HSD17B4: variants seen among roughly 807,000 people sequenced by gnomAD.
HSD17B4 encodes peroxisomal multifunctional enzyme type 2.
HSD17B4 carries 70 observed loss-of-function variants against 101.0 expected under a neutral mutation model. The ratio of observed to expected loss-of-function variants is 0.69; its 90% CI spans 0.57 to 0.85. HSD17B4 has a LOEUF of 0.85. Ranked by LOEUF, HSD17B4 falls within the 40% of genes least tolerant of loss-of-function variation. The pLI is 0.00. For synonymous variants in HSD17B4, 347 were observed against 297.1 expected (o/e 1.17, Z -1.73); for missense variants, 984 against 892.4 (o/e 1.10, Z -1.31).
intron 22 of HSD17B4, among the ~76,000 whole-genome samples, chr5:119,533,149 A>T (rs1433767233): frequency 6.6e-6 from 1 of 152,154 alleles, no homozygotes; most frequent in Non-Finnish European, 1.5e-5. Flanking sequence ...TTCTTGTAGA[A>T]CACAAGTGAT....
intron 8 of HSD17B4, among the ~76,000 whole-genome samples, chr5:119,485,695 A>C (rs1003844902): frequency 6.6e-6 from 1 of 152,118 alleles, no homozygotes; most frequent in Non-Finnish European, 1.5e-5. Flanking sequence ...CATTTTTGCT[A>C]TTTCATTTCC....
At chr5:119,529,156 T>G (rs1753845655) in intron 20 of HSD17B4, among the ~76,000 whole-genome samples, 1 of 152,180 alleles carries the variant, frequency 6.6e-6, no homozygotes, top group African/African-American at 2.4e-5. Context: ...TCTTGATTGT[T>G]AAAAATCAAA....
At chr5:119,454,323 A>G (rs946242975) in intron 1 of HSD17B4, among the ~76,000 whole-genome samples, 1 of 144,186 alleles carries the variant, frequency 6.9e-6, no homozygotes, top group African/African-American at 2.6e-5. Context: ...TTTTTTTTTC[A>G]GAGCTAAAGG....
At chr5:119,493,635 G>T in intron 10 of HSD17B4, 183 bp from the exon 11 acceptor site, 1 of 566,164 alleles carries the variant, frequency 1.8e-6, no homozygotes, top group Non-Finnish European at 3.1e-6. Context: ...TCTTTAAATT[G>T]ACCTTATCCT....
At chr5:119,490,842 A>G (rs1224120515) in intron 9 of HSD17B4, among the ~76,000 whole-genome samples, 1 of 152,206 alleles carries the variant, frequency 6.6e-6, no homozygotes, top group Non-Finnish European at 1.5e-5. Flanking sequence ...TCCTGGGATT[A>G]TAGGCGTGAG....
At chr5:119,452,868 C>G in intron 1 of HSD17B4, 1 of 1,535,112 alleles carries the variant, frequency 6.5e-7, no homozygotes, top group South Asian at 1.2e-5. Context: ...TTCCCAAGGT[C>G]CTGCCTGAGA....
At chr5:119,476,548 G>A (rs1413209322) in intron 6 of HSD17B4, 2 of 984,814 alleles carry the variant, frequency 2.0e-6, no homozygotes, top group Non-Finnish European at 2.4e-6. Context: ...GGGGAATAGT[G>A]CCTGACTGTC....
At chr5:119,463,772 G>A (rs1272109212) in intron 2 of HSD17B4, among the ~76,000 whole-genome samples, 2 of 141,970 alleles carry the variant, frequency 1.4e-5, no homozygotes, top group African/African-American at 5.2e-5. Flanking sequence ...GGGTTCAAGC[G>A]ATTCTCCTGC....
rs72788193 is a variant in HSD17B4, at chr5:119,513,277, T to G, written c.1438-1704T>G. ...ACTCTTAAAACATCCAAGCTTTTAG[T>G]GAAGATATTATTTTAGAAAGGGTAA... On this transcript the variant is annotated intron_variant, in intron 16 of 23. Transcript: ENST00000510025. Among the ~76,000 whole-genome samples the G allele has an allele frequency of 2.9e-3, 436 of 152,350 alleles. 1 individual carries two copies. The highest frequency in any genetic ancestry group is 4.6e-3 in the Non-Finnish European group (310 of 68,020).
At chr5:119,523,256 T>C (rs928241633) in intron 17 of HSD17B4, among the ~76,000 whole-genome samples, 11 of 152,186 alleles carry the variant, frequency 7.2e-5, no homozygotes, top group African/African-American at 2.4e-4. Flanking sequence ...ATAGTTTACC[T>C]GTATGCAGAT....
chr5:119,534,723 T>A (rs974075150), intron 22 of HSD17B4, among the ~76,000 whole-genome samples: 1 of 152,096 alleles, frequency 6.6e-6, no homozygotes, highest in Non-Finnish European at 1.5e-5. Context: ...AAGATTTTCC[T>A]TGAAAAGGAA....
At chr5:119,527,349 T>C in intron 20 of HSD17B4, 130 bp downstream of exon 20, 1 of 642,520 alleles carries the variant, frequency 1.6e-6, no homozygotes, top group East Asian at 2.8e-5. Context: ...AAAAATAAGA[T>C]ACAGCTTGTC....
chr5:119,536,054 G>A, intron 22 of HSD17B4: 1 of 261,744 alleles, frequency 3.8e-6, no homozygotes. Flanking sequence ...ACAGTAAGAT[G>A]CCTGTAATGA....
chr5:119,531,526 T>C, intron 22 of HSD17B4, 122 bp downstream of exon 22: 1 of 944,770 alleles, frequency 1.1e-6, no homozygotes, highest in Non-Finnish European at 1.6e-6. Flanking sequence ...GTTTTTTTTC[T>C]TTTCCCGTGG....
intron 2 of HSD17B4, among the ~76,000 whole-genome samples, chr5:119,462,939 C>A (rs529534768): frequency 1.3e-5 from 2 of 152,298 alleles, no homozygotes; most frequent in African/African-American, 4.8e-5. Flanking sequence ...CTATACACCA[C>A]TAGAACTTAT....
At chr5:119,456,698 G>A (rs1754712522) in intron 2 of HSD17B4, 2 of 359,754 alleles carry the variant, frequency 5.6e-6, no homozygotes, top group East Asian at 1.3e-4. Flanking sequence ...AGAGAACTAT[G>A]ATTATACCAC....
chr5:119,468,664 C>T (rs1756048851), intron 2 of HSD17B4, among the ~76,000 whole-genome samples: 1 of 152,088 alleles, frequency 6.6e-6, no homozygotes, highest in Non-Finnish European at 1.5e-5. Flanking sequence ...ATCTTTCTTT[C>T]AGGACTTGGG....
intron 8 of HSD17B4, among the ~76,000 whole-genome samples, chr5:119,479,879 A>C (rs982822759): frequency 6.6e-6 from 1 of 152,138 alleles, no homozygotes; most frequent in East Asian, 1.9e-4. Flanking sequence ...GATGGATGCT[A>C]TGATAAGACT....
rs574966150 is a variant in HSD17B4, at chr5:119,506,625, TC to T, written c.1262-190del. On this transcript the variant is annotated intron_variant, in intron 14 of 23. Transcript: ENST00000510025. Reference sequence around the variant, plus strand: ...CCACAGTGGTTGAACTAATTTACACTCCCACCAACAGTGTAAAAGCGTTCTT... The same window carrying T: ...CCACAGTGGTTGAACTAATTTACACTCCACCAACAGTGTAAAAGCGTTCTT... Among the ~76,000 whole-genome samples the T allele has an allele frequency of 5.3e-5, 8 of 152,306 alleles. No individual in the cohort carries two copies. In the East Asian group the frequency reaches 1.5e-3, roughly 29 times the overall value.
Sources: gnomAD v4.1 joint callset for allele counts (sites outside exome capture counted in the v4.1 genomes callset) on GRCh38, gnomAD v4.1.1 for gene constraint, MANE v1.5 for transcripts, NCBI Gene and HGNC (gene_info 2026-07-23, HGNC 2026-07-21) for gene names.